CSMD3: variants seen among roughly 807,000 people sequenced by gnomAD.
CSMD3 encodes CUB and sushi domain-containing protein 3.
Under a neutral mutation model 435.2 loss-of-function variants are expected in CSMD3, and 177 were observed. The ratio of observed to expected loss-of-function variants is 0.41; its 90% CI spans 0.36 to 0.46. The LOEUF (loss-of-function observed/expected upper bound fraction) is 0.46. Ranked by LOEUF, CSMD3 falls within the 20% of genes least tolerant of loss-of-function variation. CSMD3 has a pLI of 0.34. For missense variants in CSMD3, 4,265 were observed against 4,504.6 expected (o/e 0.95, Z 1.52); for synonymous variants, 1,656 against 1,520.5 (o/e 1.09, Z -2.07).
At chr8:113,110,731 ATT>A (rs2090614401) in intron 4 of CSMD3, among the ~76,000 whole-genome samples, 1 of 152,118 alleles carries the variant, frequency 6.6e-6, no homozygotes, top group African/African-American at 2.4e-5. Flanking sequence ...TCCAGCCTCT[ATT>A]TGTTACCTAG....
At chr8:113,372,694 G>A (rs890752724) in intron 1 of CSMD3, among the ~76,000 whole-genome samples, 2 of 152,130 alleles carry the variant, frequency 1.3e-5, no homozygotes, top group East Asian at 1.9e-4. Context: ...AGCACTTTGG[G>A]AGGCCGAGGC....
At chr8:112,522,979 T>C (rs1178739785) in intron 27 of CSMD3, among the ~76,000 whole-genome samples, 2 of 151,952 alleles carry the variant, frequency 1.3e-5, no homozygotes, top group Non-Finnish European at 2.9e-5. Flanking sequence ...TGAATTACCA[T>C]TGTGGTGACA....
intron 7 of CSMD3, among the ~76,000 whole-genome samples, chr8:112,963,315 G>A (rs750193253): frequency 7.9e-5 from 12 of 151,836 alleles, no homozygotes; most frequent in South Asian, 2.1e-4. Context: ...TCACTCATTC[G>A]GAAATAATCC....
intron 19 of CSMD3, among the ~76,000 whole-genome samples, chr8:112,647,381 A>G (rs1009294393): frequency 2.0e-5 from 3 of 151,302 alleles, no homozygotes; most frequent in African/African-American, 7.3e-5. Flanking sequence ...GGCTCCCTGA[A>G]AGCTCCGCCC....
chr8:112,905,369 T>A (rs1036175364), intron 10 of CSMD3, among the ~76,000 whole-genome samples: 2 of 150,724 alleles, frequency 1.3e-5, no homozygotes, highest in African/African-American at 4.9e-5. Context: ...ATGTTATGGA[T>A]GTTAGGGGTG....
At chr8:112,550,017 T>G (rs1325603340) in intron 27 of CSMD3, among the ~76,000 whole-genome samples, 1 of 152,030 alleles carries the variant, frequency 6.6e-6, no homozygotes, top group Non-Finnish European at 1.5e-5. Context: ...TTTAAACATT[T>G]TAAGTTTTTA....
At chr8:113,374,140 T>C (rs747543759) in intron 1 of CSMD3, among the ~76,000 whole-genome samples, 1 of 152,028 alleles carries the variant, frequency 6.6e-6, no homozygotes, top group Non-Finnish European at 1.5e-5. Flanking sequence ...AATATACTTA[T>C]GTAAAGTAAA....
chr8:112,478,812 C>G (rs372553832), intron 31 of CSMD3, among the ~76,000 whole-genome samples: 44 of 152,144 alleles, frequency 2.9e-4, no homozygotes, highest in African/African-American at 9.9e-4. Flanking sequence ...GTTCGCCTGC[C>G]CTTTCCTAAT....
intron 2 of CSMD3, among the ~76,000 whole-genome samples, chr8:113,301,211 C>T (rs571306456): frequency 2.0e-5 from 3 of 151,982 alleles, no homozygotes; most frequent in Non-Finnish European, 4.4e-5. Flanking sequence ...TGAGCAGCAT[C>T]CTTGTTTAGT....
Position 112,292,607 on chromosome 8 carries a change from A to G in CSMD3, c.8718T>C (p.Leu2906=), listed in dbSNP as rs757659758. ...ACTGTGCCTTTGTTGGCCCTTGCAT[A>G]AGATACCCAATATTGCATGAGAATG... ...VVTFSCNIGY[L]MQGPTKAQCQ... is the part of the protein sequence containing the mutation. The change falls in exon 55 of 71, where the codon CTT becomes CTC. Residue 2906 remains leucine, a synonymous_variant. Coordinates refer to ENST00000297405, the MANE Select transcript of CSMD3 (RefSeq NM_198123.2). 5.6e-6 allele frequency: 9 copies of G among 1,613,834 alleles called. No individual in the cohort carries two copies. The East Asian group carries it at 1.6e-4, about 28-fold the overall frequency.
chr8:112,717,168 C>T (rs1214019699), intron 13 of CSMD3, among the ~76,000 whole-genome samples: 2 of 151,684 alleles, frequency 1.3e-5, no homozygotes, highest in African/African-American at 4.8e-5. Flanking sequence ...GCAATCTATT[C>T]ATCTGACAAA....
At chr8:113,241,137 C>T (rs2093210744) in intron 3 of CSMD3, among the ~76,000 whole-genome samples, 1 of 152,048 alleles carries the variant, frequency 6.6e-6, no homozygotes, top group East Asian at 1.9e-4. Context: ...GGGCAGATGA[C>T]TAGAATAATG....
intron 13 of CSMD3, among the ~76,000 whole-genome samples, chr8:112,740,669 A>T (rs2077285229): frequency 6.6e-6 from 1 of 151,930 alleles, no homozygotes; most frequent in Admixed American, 6.6e-5. Flanking sequence ...ATAGGAAGGT[A>T]GGGGTTACCC....
intron 10 of CSMD3, among the ~76,000 whole-genome samples, chr8:112,900,316 C>T (rs1224276872): frequency 1.3e-5 from 2 of 151,214 alleles, no homozygotes; most frequent in East Asian, 2.0e-4. Context: ...AGAAAACATC[C>T]TTAGTAGAGA....
At chr8:112,572,283 A>C (rs2131295916) in intron 24 of CSMD3, among the ~76,000 whole-genome samples, 1 of 152,268 alleles carries the variant, frequency 6.6e-6, no homozygotes, top group African/African-American at 2.4e-5. Context: ...ATTTAAAAAT[A>C]TGTATTCAGC....
chr8:113,259,822 T>A (rs1193168543), intron 3 of CSMD3, among the ~76,000 whole-genome samples: 1 of 152,106 alleles, frequency 6.6e-6, no homozygotes, highest in Non-Finnish European at 1.5e-5. Context: ...TCAAGGGTTG[T>A]ATAAGAGCAG....
intron 22 of CSMD3, among the ~76,000 whole-genome samples, chr8:112,635,423 T>C (rs944994343): frequency 2.0e-5 from 3 of 151,812 alleles, no homozygotes; most frequent in African/African-American, 2.4e-5. Flanking sequence ...TCGAAAACAG[T>C]CACAAAAATG....
intron 27 of CSMD3, among the ~76,000 whole-genome samples, chr8:112,542,712 A>C (rs1384400258): frequency 6.6e-6 from 1 of 152,128 alleles, no homozygotes; most frequent in African/African-American, 2.4e-5. Flanking sequence ...AATAGAAAAA[A>C]AAATTTCTAC....
chr8:112,340,648 A>G (rs1478610987), intron 42 of CSMD3, among the ~76,000 whole-genome samples: 3 of 152,160 alleles, frequency 2.0e-5, no homozygotes. Flanking sequence ...AATAAACTTT[A>G]TTATGTAAAA....
Sources: gnomAD v4.1 joint callset for allele counts (sites outside exome capture counted in the v4.1 genomes callset) on GRCh38, gnomAD v4.1.1 for gene constraint, MANE v1.5 for transcripts, NCBI Gene and HGNC (gene_info 2026-07-23, HGNC 2026-07-21) for gene names.